Variants in IQSEC3 observed in about 807,000 individuals in gnomAD.
The protein encoded by IQSEC3 is IQ motif and SEC7 domain-containing protein 3.
IQSEC3 carries 50 observed loss-of-function variants against 105.4 expected under a neutral mutation model. The observed-to-expected ratio is 0.47, with a 90% CI of 0.38 to 0.60. The LOEUF is 0.60. Ranked by LOEUF, IQSEC3 falls within the 20% of genes least tolerant of loss-of-function variation. The pLI, the probability that IQSEC3 is intolerant of heterozygous loss-of-function variation, is 0.00. For missense variants in IQSEC3, 1,415 were observed against 1,630.0 expected, an observed-to-expected ratio of 0.87 and a Z score of 2.27; for synonymous variants, 708 against 746.0, an observed-to-expected ratio of 0.95 and a Z score of 0.83.
chr12:86,290 G>A (rs1863915766), intron 1 of IQSEC3, among the ~76,000 whole-genome samples: 1 of 152,124 alleles, frequency 6.6e-6, no homozygotes. Flanking sequence ...CTGAAGGCTG[G>A]GCAGATTCTG....
chr12:83,581 G>A (rs1383729645), intron 1 of IQSEC3, among the ~76,000 whole-genome samples: 1 of 151,646 alleles, frequency 6.6e-6, no homozygotes, highest in Non-Finnish European at 1.5e-5. Context: ...TCAAAGAACA[G>A]AAGAAGGGAA....
chr12:82,595 A>C (rs1382580299), intron 1 of IQSEC3, among the ~76,000 whole-genome samples: 2 of 152,208 alleles, frequency 1.3e-5, no homozygotes, highest in Non-Finnish European at 2.9e-5. Flanking sequence ...GAAACTGAGA[A>C]TGACTACATC....
At chr12:127,664 C>T (rs1487884689) in intron 3 of IQSEC3, among the ~76,000 whole-genome samples, 3 of 152,118 alleles carry the variant, frequency 2.0e-5, no homozygotes, top group African/African-American at 7.2e-5. Context: ...ACATTCAGGC[C>T]CTTCGCCCAC....
At chr12:90,153 A>G (rs571023218) in intron 1 of IQSEC3, among the ~76,000 whole-genome samples, 1 of 152,182 alleles carries the variant, frequency 6.6e-6, no homozygotes, top group African/African-American at 2.4e-5. Context: ...TTAATTGGCA[A>G]TTCCCTAATG....
intron 13 of IQSEC3, among the ~76,000 whole-genome samples, chr12:173,796 C>T (rs780746648): frequency 2.0e-5 from 3 of 152,202 alleles, no homozygotes; most frequent in Non-Finnish European, 2.9e-5. Flanking sequence ...CTCCACCTCC[C>T]GCTGGTAGCA....
In IQSEC3 at chr12:175,036, T is replaced by A. The variant is rs1012984286; in HGVS notation, c.*3T>A. 1 of 1,514,396 alleles carries A rather than the reference T, an allele frequency of 6.6e-7. No homozygotes were observed. The highest frequency in any genetic ancestry group is 8.8e-7 in the Non-Finnish European group (1 of 1,136,870). The allele number at this position is 1,514,396 out of a possible 1,614,324, so 93.8% of individuals were successfully genotyped here. ...GTGGCTCAAGGAGCCTGGTGTAGAC[T>A]CTGCCCCACCACCCTGCTGTCCTGG... is the stretch of plus-strand genomic sequence containing the variant. On this transcript the variant is annotated 3_prime_UTR_variant, in exon 14 of 14. Coordinates refer to ENST00000538872, the MANE Select transcript of IQSEC3 (RefSeq NM_001170738.2).
intron 1 of IQSEC3, among the ~76,000 whole-genome samples, chr12:75,421 A>G (rs1370122145): frequency 6.6e-6 from 1 of 152,220 alleles, no homozygotes; most frequent in East Asian, 1.9e-4. Flanking sequence ...GTCATGGAAT[A>G]GTAAGTCTTT....
Position 139,137 on chromosome 12 carries a change from G to T in IQSEC3, c.1774G>T (p.Gly592Cys), listed in dbSNP as rs1865910204. The T allele has an allele frequency of 6.5e-7, 1 of 1,526,798 alleles. No individual in the cohort carries two copies. The highest frequency in any genetic ancestry group is 2.5e-5 in the East Asian group (1 of 40,782). The allele number at this position is 1,526,798 out of a possible 1,614,324, so 94.6% of individuals were successfully genotyped here. Reference protein sequence around the residue: ...EVGRGAEAEAGDLEQLSSSST... With the variant: ...EVGRGAEAEACDLEQLSSSST... Reference sequence around the variant, plus strand: ...GGGGAGAGGGGCCGAGGCCGAGGCAGGCGACTTGGAGCAGCTGAGCAGCAG... The same window carrying T: ...GGGGAGAGGGGCCGAGGCCGAGGCATGCGACTTGGAGCAGCTGAGCAGCAG... Residue 592 changes from glycine to cysteine, a missense_variant, in exon 4 of 14, where the codon GGC becomes TGC. Gly to Cys is a radical substitution (Grantham distance 159). Around this residue, in one of 6 missense-constraint regions of IQSEC3, gnomAD observed 720 missense variants for 633.0 expected, o/e 1.14. Coordinates refer to ENST00000538872, the MANE Select transcript of IQSEC3 (RefSeq NM_001170738.2).
intron 2 of IQSEC3, among the ~76,000 whole-genome samples, chr12:118,901 G>A (rs1555081231): frequency 1.3e-5 from 2 of 152,220 alleles, no homozygotes; most frequent in Non-Finnish European, 2.9e-5. Flanking sequence ...ACTACCCCGA[G>A]TCAGCTCCCT....
chr12:113,718 T>C (rs1487807273), intron 2 of IQSEC3, among the ~76,000 whole-genome samples: 1 of 152,206 alleles, frequency 6.6e-6, no homozygotes, highest in East Asian at 1.9e-4. Flanking sequence ...AATGAGAAAC[T>C]GTCCTGATGA....
chr12:151,362 G>A (rs1866503605), intron 5 of IQSEC3, among the ~76,000 whole-genome samples: 1 of 152,206 alleles, frequency 6.6e-6, no homozygotes, highest in African/African-American at 2.4e-5. Context: ...ATGCACCAGT[G>A]ATGCCTCCCT....
intron 9 of IQSEC3, among the ~76,000 whole-genome samples, chr12:164,029 T>C (rs1867051858): frequency 6.6e-6 from 1 of 152,216 alleles, no homozygotes; most frequent in East Asian, 1.9e-4. Flanking sequence ...GGCTGGTGTG[T>C]GTGTGTGCGT....
intron 1 of IQSEC3, among the ~76,000 whole-genome samples, chr12:88,088 G>A (rs1177575436): frequency 2.0e-5 from 3 of 152,144 alleles, no homozygotes; most frequent in South Asian, 4.2e-4. Context: ...GGAGGGCTTC[G>A]GGTTAGAAGC....
intron 4 of IQSEC3, chr12:140,754 C>A: frequency 4.8e-6 from 1 of 210,440 alleles, no homozygotes; most frequent in Non-Finnish European, 9.4e-6. Context: ...GAGGTCTCAC[C>A]TCTGTTTCTC....
intron 1 of IQSEC3, among the ~76,000 whole-genome samples, chr12:84,793 G>T (rs782008752): frequency 6.6e-5 from 10 of 152,156 alleles, no homozygotes; most frequent in Non-Finnish European, 1.2e-4. Flanking sequence ...TTGAAGCTCT[G>T]GAATTGGGGA....
intron 2 of IQSEC3, among the ~76,000 whole-genome samples, chr12:123,895 C>A (rs988982728): frequency 6.6e-6 from 1 of 152,140 alleles, no homozygotes; most frequent in Non-Finnish European, 1.5e-5. Context: ...ATTAGATGAC[C>A]TTGAGGTCCC....
At chr12:158,544 G>A (rs11829493) in intron 7 of IQSEC3, among the ~76,000 whole-genome samples, 20,050 of 152,184 alleles carry the variant, frequency 0.13, 3,023 homozygotes, top group African/African-American at 0.37. Context: ...CCCAGTCAAT[G>A]CCTTCGCCCA....
chr12:114,908 C>A (rs1285114696), intron 2 of IQSEC3, among the ~76,000 whole-genome samples: 1 of 152,156 alleles, frequency 6.6e-6, no homozygotes, highest in South Asian at 2.1e-4. Context: ...ACAGCAGGAG[C>A]CTAGCACGTC....
intron 5 of IQSEC3, among the ~76,000 whole-genome samples, chr12:153,772 C>T (rs1866589386): frequency 6.6e-6 from 1 of 152,138 alleles, no homozygotes; most frequent in South Asian, 2.1e-4. Context: ...GGACACATGC[C>T]CCTAAGGACG....
Sources: gnomAD v4.1 joint callset for allele counts (sites outside exome capture counted in the v4.1 genomes callset) on GRCh38, gnomAD v4.1.1 for gene constraint, gnomAD v4.1.1 regional missense constraint, MANE v1.5 for transcripts, NCBI Gene and HGNC (gene_info 2026-07-23, HGNC 2026-07-21) for gene names.